The following ZNRF3 variants were observed in gnomAD, a reference collection of about 807,000 sequenced individuals.
The protein encoded by ZNRF3 is zinc and ring finger 3.
In ZNRF3, 23 loss-of-function variants were observed where a neutral mutation model predicts 72.5. The observed-to-expected ratio is 0.32, with a 90% CI of 0.23 to 0.45. The LOEUF is 0.45. Among genes scored for constraint, ZNRF3 ranks in the 20% least tolerant of loss-of-function variants. ZNRF3 has a pLI of 1.00. For synonymous variants in ZNRF3, 610 were observed against 545.3 expected (o/e 1.12, Z -1.65); for missense variants, 1,169 against 1,272.1 (o/e 0.92, Z 1.23).
chr22:28,952,281 C>A (rs145907804), intron 1 of ZNRF3, among the ~76,000 whole-genome samples: 1 of 152,218 alleles, frequency 6.6e-6, no homozygotes, highest in African/African-American at 2.4e-5. Context: ...AGTCCCATGT[C>A]CCCCAGGAAT....
At chr22:28,972,074 A>G (rs1297816085) in intron 1 of ZNRF3, among the ~76,000 whole-genome samples, 1 of 151,966 alleles carries the variant, frequency 6.6e-6, no homozygotes, top group Non-Finnish European at 1.5e-5. Context: ...TTTTCTCCCC[A>G]TTTACCATTT....
intron 1 of ZNRF3, among the ~76,000 whole-genome samples, chr22:28,886,957 AAAAC>A (rs375323604): frequency 7.2e-5 from 11 of 152,238 alleles, no homozygotes; most frequent in Admixed American, 1.3e-4. Context: ...CACTCTCTCA[AAAAC>A]AAACAAACAA....
At chr22:29,013,883 G>T (rs1466587159) in intron 2 of ZNRF3, among the ~76,000 whole-genome samples, 1 of 152,198 alleles carries the variant, frequency 6.6e-6, no homozygotes, top group Non-Finnish European at 1.5e-5. Context: ...CACTGGATGG[G>T]GCAGGCGTGG....
chr22:28,970,671 A>G (rs1056001707), intron 1 of ZNRF3, among the ~76,000 whole-genome samples: 3 of 152,236 alleles, frequency 2.0e-5, no homozygotes, highest in African/African-American at 7.2e-5. Context: ...CTACTCTGCA[A>G]TAAGCAGCAA....
At chr22:28,914,305 G>A (rs2034369939) in intron 1 of ZNRF3, among the ~76,000 whole-genome samples, 1 of 152,046 alleles carries the variant, frequency 6.6e-6, no homozygotes, top group African/African-American at 2.4e-5. Flanking sequence ...GCATTTTCCG[G>A]GTTAGTCTAC....
chr22:29,020,536 C>G (rs2036514460), intron 2 of ZNRF3, among the ~76,000 whole-genome samples: 1 of 151,874 alleles, frequency 6.6e-6, no homozygotes, highest in Admixed American at 6.6e-5. Context: ...GGTAGGATTA[C>G]AGGTGTGAGC....
chr22:28,993,973 C>T (rs1350170873), intron 2 of ZNRF3, among the ~76,000 whole-genome samples: 1 of 152,016 alleles, frequency 6.6e-6, no homozygotes, highest in African/African-American at 2.4e-5. Flanking sequence ...GCACTCAGCC[C>T]CAAGCCTTCT....
At chr22:28,887,174 G>A (rs1196955454) in intron 1 of ZNRF3, among the ~76,000 whole-genome samples, 1 of 151,456 alleles carries the variant, frequency 6.6e-6, no homozygotes, top group Non-Finnish European at 1.5e-5. Context: ...TAAGGAATTC[G>A]TTTGTATTAC....
chr22:28,971,399 T>C (rs1424594780), intron 1 of ZNRF3, among the ~76,000 whole-genome samples: 2 of 152,166 alleles, frequency 1.3e-5, no homozygotes, highest in Non-Finnish European at 2.9e-5. Flanking sequence ...AAGGGAACTT[T>C]ACTCTTCTGA....
chr22:28,969,145 T>C (rs1311947436), intron 1 of ZNRF3, among the ~76,000 whole-genome samples: 1 of 152,182 alleles, frequency 6.6e-6, no homozygotes, highest in Non-Finnish European at 1.5e-5. Flanking sequence ...GCCCAAACTT[T>C]GGTTTTAAGT....
intron 1 of ZNRF3, among the ~76,000 whole-genome samples, chr22:28,931,862 G>A (rs1280228023): frequency 6.6e-6 from 1 of 152,208 alleles, no homozygotes; most frequent in Non-Finnish European, 1.5e-5. Context: ...GAATATGTGA[G>A]TAATAGCTAA....
chr22:28,908,887 G>A (rs2034263357), intron 1 of ZNRF3, among the ~76,000 whole-genome samples: 1 of 151,972 alleles, frequency 6.6e-6, no homozygotes, highest in Admixed American at 6.6e-5. Flanking sequence ...TCTCCGTTGG[G>A]TGTTTTGTTT....
At chr22:28,933,723 A>AC (rs1352744836) in intron 1 of ZNRF3, among the ~76,000 whole-genome samples, 1 of 17,164 alleles carries the variant, frequency 5.8e-5, no homozygotes, top group East Asian at 5.1e-3. Context: ...CCCCCACCCC[A>AC]CCCCCCCCAC....
At position 29,049,825 on chromosome 22, in the gene ZNRF3, C is replaced by A; in HGVS notation, c.1644C>A (p.Gly548=). ...VCSGYLADCP[G]SDSSSSSSSG... is the part of the protein sequence containing the mutation. Reference sequence around the variant, plus strand: ...GTGGCTACCTGGCCGACTGCCCAGGCAGCGACAGCAGCAGCAGCAGCAGCT... The same window carrying A: ...GTGGCTACCTGGCCGACTGCCCAGGAAGCGACAGCAGCAGCAGCAGCAGCT... The change falls in exon 8 of 9, where the codon GGC becomes GGA. Residue 548 remains glycine (G), a synonymous_variant. Coordinates refer to ENST00000544604, the MANE Select transcript of ZNRF3 (RefSeq NM_001206998.2). The surrounding 1 kb of genome is among the most constrained non-coding windows in gnomAD (Gnocchi z 5.2). The A allele has an allele frequency of 6.2e-7, 1 of 1,608,758 alleles. No homozygotes were observed. The highest frequency in any genetic ancestry group is 8.5e-7 in the Non-Finnish European group (1 of 1,177,524).
intron 1 of ZNRF3, among the ~76,000 whole-genome samples, chr22:28,952,588 A>G (rs2035185293): frequency 6.6e-6 from 1 of 151,758 alleles, no homozygotes; most frequent in Non-Finnish European, 1.5e-5. Context: ...AGCCAAGTAT[A>G]AAAGGTATTG....
chr22:28,929,057 A>G (rs1023733710), intron 1 of ZNRF3, among the ~76,000 whole-genome samples: 1 of 152,196 alleles, frequency 6.6e-6, no homozygotes, highest in African/African-American at 2.4e-5. Context: ...CCATGAGACA[A>G]AAAAAGAACA....
In ZNRF3 at chr22:29,044,894, G is replaced by C; in HGVS notation, c.744+4G>C. ...GCTGAAGCAGCGACGCAGTCAGGTAGTGCCTCTGTGTGTAGCCCGTGAGCA... is the reference window on the plus strand; with the variant it reads ...GCTGAAGCAGCGACGCAGTCAGGTACTGCCTCTGTGTGTAGCCCGTGAGCA... On this transcript the variant is annotated splice_donor_region_variant and intron_variant, in intron 5 of 8. Coordinates refer to ENST00000544604, the MANE Select transcript of ZNRF3 (RefSeq NM_001206998.2). 1 of 1,605,160 alleles carries C rather than the reference G, an allele frequency of 6.2e-7. No homozygotes were observed. The highest frequency in any genetic ancestry group is 8.5e-7 in the Non-Finnish European group (1 of 1,171,968).
At chr22:28,911,120 G>C (rs927800108) in intron 1 of ZNRF3, among the ~76,000 whole-genome samples, 1 of 152,166 alleles carries the variant, frequency 6.6e-6, no homozygotes, top group African/African-American at 2.4e-5. Flanking sequence ...TGAGATTCCT[G>C]GGGGGAATTG....
At chr22:28,989,051 C>T (rs534264235) in intron 2 of ZNRF3, among the ~76,000 whole-genome samples, 8 of 152,100 alleles carry the variant, frequency 5.3e-5, no homozygotes, top group Non-Finnish European at 1.2e-4. Flanking sequence ...AATAAAAAAC[C>T]CTAGGCATAT....
Sources: gnomAD v4.1 joint callset for allele counts (sites outside exome capture counted in the v4.1 genomes callset) on GRCh38, gnomAD v4.1.1 for gene constraint, Gnocchi (gnomAD v3.1) non-coding constraint, MANE v1.5 for transcripts, NCBI Gene and HGNC (gene_info 2026-07-23, HGNC 2026-07-21) for gene names.